Variants in KRT6C observed in about 807,000 individuals in gnomAD.
The protein encoded by KRT6C is keratin 6C.
A neutral mutation model predicts 49.4 loss-of-function variants in KRT6C; 46 were observed. That is an observed-to-expected ratio of 0.93 (90% confidence interval 0.74 to 1.19). KRT6C has a LOEUF of 1.19. KRT6C is among the 50% of genes most tolerant of loss of function. The probability of loss-of-function intolerance (pLI) is 0.00; values close to 1 mark genes in which losing one functional copy is unlikely to be tolerated. For missense variants in KRT6C, 552 were observed against 737.5 expected, an observed-to-expected ratio of 0.75 and a Z score of 2.91; for synonymous variants, 236 against 297.1, an observed-to-expected ratio of 0.79 and a Z score of 2.12.
chr12:52,471,771 G>C, intron 2 of KRT6C, 39 bp from the exon 3 acceptor site: 4 of 1,613,390 alleles, frequency 2.5e-6, no homozygotes, highest in African/African-American at 1.3e-5. Context: ...TGAGCCAGTG[G>C]GTAGGATGAA....
At position 52,469,867 on chromosome 12, in the gene KRT6C, A is replaced by C. The variant is rs745532394; in HGVS notation, c.1227T>G (p.Ile409Met). The change falls in exon 7 of 9, where the codon ATT becomes ATG. Residue 409 changes from isoleucine (I) to methionine (M), a missense_variant. By Grantham distance (10) the Ile-to-Met change is conservative (BLOSUM62 1). Around this residue, in one of 3 missense-constraint regions of KRT6C, gnomAD observed 425 missense variants for 439.4 expected, o/e 0.97. Coordinates refer to ENST00000252250, the MANE Select transcript of KRT6C (RefSeq NM_173086.5). ...KKQCASLQAA[I>M]ADAEQRGEMA... ...TCTCCCCACGCTGCTCAGCATCAGCAATGGCAGCCTGCAGGCTGGCACACT... is the reference window on the plus strand; with the variant it reads ...TCTCCCCACGCTGCTCAGCATCAGCCATGGCAGCCTGCAGGCTGGCACACT... 6.2e-7 allele frequency: 1 copy of C among 1,614,132 alleles called. No individual in the cohort carries two copies. Among genetic ancestry groups the C allele is most frequent in the East Asian group, 2.2e-5 (1 of 44,862 alleles).
At position 52,471,483 on chromosome 12, in the gene KRT6C, G is replaced by C. The variant is rs1460878982; in HGVS notation, c.850C>G (p.Leu284Val). The C allele has an allele frequency of 4.3e-6, 7 of 1,613,686 alleles. No homozygotes were observed. The highest frequency in any genetic ancestry group is 1.1e-5 in the South Asian group (1 of 91,066). The change falls in exon 4 of 9, where the codon CTG becomes GTG. Residue 284 changes from leucine to valine, a missense_variant. Around this residue, in one of 3 missense-constraint regions of KRT6C, gnomAD observed 425 missense variants for 439.4 expected, o/e 0.97. Coordinates refer to ENST00000252250, the MANE Select transcript of KRT6C (RefSeq NM_173086.5). ...GTGAGAGTGTCTGCCTTGGCTTGCA[G>C]TTCAACCTTGTTCATGTAGGCAGCA... Reference protein sequence around the residue: ...VDAAYMNKVELQAKADTLTDE... With the variant: ...VDAAYMNKVEVQAKADTLTDE...
At chr12:52,469,379 G>C in intron 8 of KRT6C, 32 bp downstream of exon 8, 1 of 1,614,050 alleles carries the variant, frequency 6.2e-7, no homozygotes, top group Non-Finnish European at 8.5e-7. Context: ...AGAGTGCGAG[G>C]GCAGGGGAGG....
In KRT6C at chr12:52,469,774, G is replaced by A. The variant is rs1937840607; in HGVS notation, c.1320C>T (p.Asp440=). ...LEDALQKAKQ[D]LARLLKEYQE... ...GGTACTCCTTCAGCAGCCGGGCCAG[G>A]TCCTGCTTGGCCTTCTGCAGGGCAT... The change falls in exon 7 of 9, where the codon GAC becomes GAT. Residue 440 remains aspartate, a synonymous_variant. Transcript: ENST00000252250. 1.2e-6 allele frequency: 2 copies of A among 1,614,116 alleles called. No individual in the cohort carries two copies. The highest frequency in any genetic ancestry group is 4.5e-5 in the East Asian group (2 of 44,866).
In KRT6C at chr12:52,469,310, G is replaced by C; in HGVS notation, c.1460-13C>G. The C allele has an allele frequency of 6.2e-7, 1 of 1,613,980 alleles. No individual in the cohort carries two copies. Among genetic ancestry groups the C allele is most frequent in the East Asian group, 2.2e-5 (1 of 44,880 alleles). ...GACTGTACTACAGCTGTGGTGGGGA[G>C]GGGACAAGGACACAAGAAGCCACGG... is the stretch of plus-strand genomic sequence containing the variant. On this transcript the variant is annotated splice_polypyrimidine_tract_variant and intron_variant, in intron 8 of 8. Coordinates refer to ENST00000252250, the MANE Select transcript of KRT6C (RefSeq NM_173086.5).
At position 52,470,638 on chromosome 12, in the gene KRT6C, C is replaced by A; in HGVS notation, c.1078-8G>T. Reference sequence around the variant, plus strand: ...GACCTGCAGCTCCTCGTACTGCAGCCCAGAGGTGGAGAGAGAGACAGTGTC... The same window carrying A: ...GACCTGCAGCTCCTCGTACTGCAGCACAGAGGTGGAGAGAGAGACAGTGTC... On this transcript the variant is annotated splice_polypyrimidine_tract_variant and splice_region_variant and intron_variant, in intron 5 of 8. Transcript: ENST00000252250. The A allele has an allele frequency of 1.2e-6, 2 of 1,613,860 alleles. No individual in the cohort carries two copies. Among genetic ancestry groups the A allele is most frequent in the South Asian group, 2.2e-5 (2 of 91,064 alleles).
intron 2 of KRT6C, 133 bp from the exon 3 acceptor site, chr12:52,471,865 T>A (rs528744555): frequency 7.2e-7 from 1 of 1,382,074 alleles, no homozygotes; most frequent in Admixed American, 1.8e-5. Context: ...GCCAAAGAGA[T>A]GAGTTTTGCT....
intron 6 of KRT6C, 173 bp downstream of exon 6, chr12:52,470,332 C>T (rs1260809544): frequency 1.9e-5 from 23 of 1,207,242 alleles, no homozygotes; most frequent in Middle Eastern, 1.9e-4. Flanking sequence ...GAGGCTCATC[C>T]TCTTGGGTGG....
At chr12:52,469,584 T>C in intron 7 of KRT6C, 86 bp downstream of exon 7, 1 of 1,613,250 alleles carries the variant, frequency 6.2e-7, no homozygotes, top group African/African-American at 1.3e-5. Context: ...ATTACGGCCA[T>C]GAGCAGTGCA....
chr12:52,472,425 C>A, intron 1 of KRT6C, 145 bp from the exon 2 acceptor site: 1 of 774,770 alleles, frequency 1.3e-6, no homozygotes. Flanking sequence ...AGCTCTGCTC[C>A]CCCAACCCCT....
Position 52,470,576 on chromosome 12 carries a change from T to C in KRT6C, c.1132A>G (p.Lys378Glu), listed in dbSNP as rs1937859426. 2 of 1,613,934 alleles carry C rather than the reference T, an allele frequency of 1.2e-6. No homozygotes were observed. The highest frequency in any genetic ancestry group is 1.7e-6 in the Non-Finnish European group (2 of 1,180,020). Residue 378 changes from lysine (K) to glutamate (E), a missense_variant, in exon 6 of 9, where the codon AAG becomes GAG. This residue lies in a region of KRT6C where 425 missense variants were observed against 439.4 expected (regional missense o/e 0.97). Coordinates refer to ENST00000252250, the MANE Select transcript of KRT6C (RefSeq NM_173086.5). ...GRHGDDLRNT[K>E]QEIAEINRMI... Reference sequence around the variant, plus strand: ...CGGTTGATCTCAGCAATCTCCTGCTTGGTGTTGCGCAGGTCGTCCCCATGT... The same window carrying C: ...CGGTTGATCTCAGCAATCTCCTGCTCGGTGTTGCGCAGGTCGTCCCCATGT...
chr12:52,470,685 G>A lies in KRT6C; in HGVS notation c.1078-55C>T, dbSNP rs541454182. On this transcript the variant is annotated intron_variant, in intron 5 of 8. Coordinates refer to ENST00000252250, the MANE Select transcript of KRT6C (RefSeq NM_173086.5). ...TGTCTACGGGTTCTTACCTGGGAGC[G>A]ATGACTTTCACTTGTGTATCATGCA... 8.1e-6 allele frequency: 13 copies of A among 1,612,950 alleles called. 1 individual carries two copies. Among genetic ancestry groups the A allele is most frequent in the East Asian group, 4.5e-5 (2 of 44,830 alleles).
In KRT6C at chr12:52,468,746, G is replaced by T. The variant is rs751453698; in HGVS notation, c.*316C>A. Reference sequence around the variant, plus strand: ...ATTTTCAGTAATGAAAAGGAACAGAGATCATTTTCTTATAATGCTCAGCCT... The same window carrying T: ...ATTTTCAGTAATGAAAAGGAACAGATATCATTTTCTTATAATGCTCAGCCT... On this transcript the variant is annotated 3_prime_UTR_variant, in exon 9 of 9. Transcript: ENST00000252250. 2.7e-6 allele frequency: 1 copy of T among 376,738 alleles called. No individual in the cohort carries two copies. The highest frequency in any genetic ancestry group is 4.8e-6 in the Non-Finnish European group (1 of 206,986). The allele number at this position is 376,738 out of a possible 1,614,324, so 23.3% of individuals were successfully genotyped here.
At position 52,469,838 on chromosome 12, in the gene KRT6C, G is replaced by A. The variant is rs150638909; in HGVS notation, c.1256C>T (p.Ala419Val). 257 of 1,613,950 alleles carry A rather than the reference G, an allele frequency of 1.6e-4. 1 individual carries two copies. Among genetic ancestry groups the A allele is most frequent in the Non-Finnish European group, 2.1e-4 (250 of 1,179,988 alleles). Reference sequence around the variant, plus strand: ...CAGCTTGTTCTTAGCATCCTTGAGTGCCATCTCCCCACGCTGCTCAGCATC... The same window carrying A: ...CAGCTTGTTCTTAGCATCCTTGAGTACCATCTCCCCACGCTGCTCAGCATC... ...IADAEQRGEMALKDAKNKLEG... is the reference protein window; with the variant it reads ...IADAEQRGEMVLKDAKNKLEG... Residue 419 changes from alanine (A) to valine (V), a missense_variant, in exon 7 of 9, where the codon GCA (alanine) becomes GTA (valine). Transcript: ENST00000252250.
rs1267249425 is a variant in KRT6C, at chr12:52,469,179, G to C, written c.1578C>G (p.Gly526=). ...SYGSGLGIGG[G]FSSSSGRAIG... ...TGGCTCTGCCACTGCTGGAACTGAA[G>C]CCACCTCCAATGCCAAGACCACTGC... Residue 526 remains glycine, a synonymous_variant, in exon 9 of 9, where the codon GGC becomes GGG. Transcript: ENST00000252250. 6.2e-7 allele frequency: 1 copy of C among 1,613,998 alleles called. No individual in the cohort carries two copies.
intron 1 of KRT6C, among the ~76,000 whole-genome samples, chr12:52,472,705 A>T (rs1937909100): frequency 7.4e-6 from 1 of 136,040 alleles, no homozygotes; most frequent in Non-Finnish European, 1.7e-5. Flanking sequence ...CCTCTCAAAT[A>T]TTCTGATGTT....
intron 1 of KRT6C, 138 bp downstream of exon 1, chr12:52,473,060 C>T: frequency 7.7e-7 from 1 of 1,304,500 alleles, no homozygotes; most frequent in South Asian, 1.2e-5. Context: ...CTCCTGTGCA[C>T]CGAGAGCCAC....
At position 52,468,952 on chromosome 12, in the gene KRT6C, C is replaced by A. The variant is rs202166218; in HGVS notation, c.*110G>T. ...TAAGCATCCATACCCAGCTCTACCT[C>A]GGAGAGCAGGGAAGACTAGAGGCCA... On this transcript the variant is annotated 3_prime_UTR_variant, in exon 9 of 9. Coordinates refer to ENST00000252250, the MANE Select transcript of KRT6C (RefSeq NM_173086.5). The A allele has an allele frequency of 2.2e-6, 3 of 1,391,160 alleles. No individual in the cohort carries two copies. The highest frequency in any genetic ancestry group is 3.0e-6 in the Non-Finnish European group (3 of 995,568). The allele number at this position is 1,391,160 out of a possible 1,614,324, so 86.2% of individuals were successfully genotyped here.
intron 2 of KRT6C, 147 bp from the exon 3 acceptor site, chr12:52,471,879 A>G (rs902552480): frequency 2.8e-5 from 37 of 1,339,336 alleles, no homozygotes; most frequent in African/African-American, 2.0e-4. Flanking sequence ...TTTTGCTACT[A>G]CTAAATTTGC....
Sources: gnomAD v4.1 joint callset for allele counts (sites outside exome capture counted in the v4.1 genomes callset) on GRCh38, gnomAD v4.1.1 for gene constraint, gnomAD v4.1.1 regional missense constraint, MANE v1.5 for transcripts, NCBI Gene and HGNC (gene_info 2026-07-23, HGNC 2026-07-21) for gene names.